Variants in RDM1 observed in about 807,000 individuals in gnomAD.
The protein encoded by RDM1 is RAD52 motif containing 1.
Under a neutral mutation model 27.7 loss-of-function variants are expected in RDM1, and 28 were observed. That is an observed-to-expected ratio of 1.01 (90% CI 0.75 to 1.39). RDM1 has a LOEUF of 1.39. RDM1 is among the 40% of genes most tolerant of loss of function. The pLI is 0.00. For missense variants in RDM1, 277 were observed against 337.3 expected (o/e 0.82, Z 1.40); for synonymous variants, 124 against 127.5 (o/e 0.97, Z 0.19).
At chr17:35,919,223 C>T (rs1440955165) in intron 6 of RDM1, among the ~76,000 whole-genome samples, 1 of 151,944 alleles carries the variant, frequency 6.6e-6, no homozygotes, top group African/African-American at 2.4e-5. Flanking sequence ...AAAAAAAACA[C>T]TTTTGCTACT....
At chr17:35,925,702 T>G (rs1257480184) in intron 2 of RDM1, 65 bp from the exon 3 acceptor site, 1 of 1,538,832 alleles carries the variant, frequency 6.5e-7, no homozygotes, top group East Asian at 2.3e-5. Flanking sequence ...TGGATAGATC[T>G]GAGATTTGTC....
chr17:35,922,964 C>T (rs1180944009), intron 4 of RDM1, among the ~76,000 whole-genome samples: 1 of 152,130 alleles, frequency 6.6e-6, no homozygotes, highest in African/African-American at 2.4e-5. Flanking sequence ...TCAGTTAAGG[C>T]TACACTCCTA....
At chr17:35,919,633 T>C (rs921509045) in intron 6 of RDM1, among the ~76,000 whole-genome samples, 2 of 152,252 alleles carry the variant, frequency 1.3e-5, no homozygotes, top group African/African-American at 4.8e-5. Context: ...AGCTCCATTA[T>C]ACTCTTATGG....
intron 3 of RDM1, among the ~76,000 whole-genome samples, 193 bp downstream of exon 3, chr17:35,925,322 G>A (rs376462542): frequency 2.6e-5 from 4 of 152,166 alleles, no homozygotes; most frequent in Admixed American, 6.5e-5. Context: ...AGAAAATTAC[G>A]GATACCACCA....
chr17:35,922,063 G>A (rs1455208280), intron 5 of RDM1: 3 of 152,076 alleles, frequency 2.0e-5, no homozygotes, highest in Admixed American at 2.0e-4. Context: ...TGGGACTACA[G>A]GAGCCCGCCA....
intron 2 of RDM1, among the ~76,000 whole-genome samples, chr17:35,926,591 A>C (rs563710664): frequency 2.0e-5 from 3 of 152,146 alleles, no homozygotes; most frequent in Non-Finnish European, 4.4e-5. Context: ...TTTTTAGTAG[A>C]GATGGGGTTT....
chr17:35,920,478 G>A, intron 5 of RDM1, among the ~76,000 whole-genome samples: 1 of 113,818 alleles, frequency 8.8e-6, no homozygotes, highest in African/African-American at 3.0e-5. Context: ...TTTTTTAGAA[G>A]ACAGGGTCTC....
At position 35,930,062 on chromosome 17, in the gene RDM1, A is replaced by C. The variant is rs566677168; in HGVS notation, c.276+14T>G. The C allele has an allele frequency of 2.5e-6, 4 of 1,606,444 alleles. No individual in the cohort carries two copies. In the East Asian group the frequency reaches 8.9e-5, roughly 36 times the overall value. ...TCATTTCAGCGGAGCTAGGAATTCC[A>C]TATTTGGACCCACCTTGACTGGAGA... On this transcript the variant is annotated intron_variant, in intron 2 of 6. Transcript: ENST00000620284.
In RDM1 at chr17:35,924,737, AT is replaced by A; in HGVS notation, c.434del (p.Asn145MetfsTer13). The A allele has an allele frequency of 6.2e-7, 1 of 1,614,084 alleles. No individual in the cohort carries two copies. Among genetic ancestry groups the A allele is most frequent in the Non-Finnish European group, 8.5e-7 (1 of 1,179,984 alleles). ...TCGGAAGTGGCACCATGCTATCTTC[AT>A]TTTCCCTTTCTTCAAGGTCAGAAAG... is the stretch of plus-strand genomic sequence containing the variant. ...QELSDLEERE[N>X]EDSMVPLPKQ... On this transcript the variant is annotated frameshift_variant, in exon 4 of 7. Coordinates refer to ENST00000620284, the MANE Select transcript of RDM1 (RefSeq NM_145654.4). LOFTEE classifies it high-confidence loss of function.
intron 5 of RDM1, among the ~76,000 whole-genome samples, chr17:35,920,842 T>A (rs2088920382): frequency 6.6e-6 from 1 of 152,110 alleles, no homozygotes; most frequent in African/African-American, 2.4e-5. Flanking sequence ...AACTAAGGAA[T>A]AACATAAGAA....
Position 35,925,603 on chromosome 17 carries a change from T to C in RDM1, c.311A>G (p.His104Arg). ...GGAACTGTTCAGGGCAAGGGCTTGA[T>C]GTTGAACTGCCTTATGTCTGGTGCC... ...RLGTRHKAVQ[H>R]QALALNSSKC... is the part of the protein sequence containing the mutation. Residue 104 changes from histidine to arginine, a missense_variant, in exon 3 of 7, where the codon CAT (histidine) becomes CGT (arginine). By Grantham distance (29) the His-to-Arg change is conservative. Transcript: ENST00000620284. 6.2e-7 allele frequency: 1 copy of C among 1,614,070 alleles called. No individual in the cohort carries two copies. Among genetic ancestry groups the C allele is most frequent in the Non-Finnish European group, 8.5e-7 (1 of 1,179,928 alleles).
intron 2 of RDM1, among the ~76,000 whole-genome samples, chr17:35,925,950 T>C (rs928166622): frequency 2.0e-5 from 3 of 151,790 alleles, no homozygotes; most frequent in Admixed American, 6.6e-5. Context: ...CTGGCTAACA[T>C]AGTGAAACCC....
chr17:35,919,237 T>A lies in RDM1; in HGVS notation c.754-794A>T, dbSNP rs539146730. Among the ~76,000 whole-genome samples the A allele has an allele frequency of 3.9e-5, 6 of 152,316 alleles. No individual in the cohort carries two copies. The South Asian group carries it at 8.3e-4, about 21-fold the overall frequency. ...GAAAAAAAACACTTTTGCTACTTTT[T>A]TTAAAGAATTCCATATGTAGTAAAT... On this transcript the variant is annotated intron_variant, in intron 6 of 6. Transcript: ENST00000620284.
Position 35,918,244 on chromosome 17 carries a change from G to T in RDM1, c.*98C>A. On this transcript the variant is annotated 3_prime_UTR_variant, in exon 7 of 7. Coordinates refer to ENST00000620284, the MANE Select transcript of RDM1 (RefSeq NM_145654.4). ...GGGCGGCCGACCCAGGTGGTTCCAG[G>T]ACTCCAGCAGCCTATAGTGGTGGGG... The T allele has an allele frequency of 8.9e-6, 9 of 1,016,050 alleles. No individual in the cohort carries two copies. The highest frequency in any genetic ancestry group is 1.4e-5 in the Non-Finnish European group (9 of 661,226). 62.9% of individuals were successfully genotyped at this position (1,016,050 alleles called of 1,614,324 possible).
intron 2 of RDM1, 114 bp downstream of exon 2, chr17:35,929,962 T>C (rs917024457): frequency 1.3e-5 from 12 of 950,728 alleles, no homozygotes; most frequent in African/African-American, 1.6e-5. Flanking sequence ...GGAAGATTAG[T>C]GTGGCAATGC....
chr17:35,928,776 A>G, intron 2 of RDM1, among the ~76,000 whole-genome samples: 1 of 147,586 alleles, frequency 6.8e-6, no homozygotes. Context: ...AAAAAAAAAA[A>G]GTAAATATAT....
Position 35,925,646 on chromosome 17 carries a change from A to G in RDM1, c.277-9T>C, listed in dbSNP as rs1197475116. 2 of 1,611,912 alleles carry G rather than the reference A, an allele frequency of 1.2e-6. No homozygotes were observed. The highest frequency in any genetic ancestry group is 1.7e-5 in the Admixed American group (1 of 59,780). On this transcript the variant is annotated splice_polypyrimidine_tract_variant and intron_variant, in intron 2 of 6. Transcript: ENST00000620284. ...CTGGTGCCAAGACGAACCTAAAATC[A>G]TAGGAGATAGACCCATAAATATCAC...
rs768342943 is a variant in RDM1, at chr17:35,930,655, C to T, written c.73G>A (p.Gly25Arg). The T allele has an allele frequency of 1.2e-6, 2 of 1,613,716 alleles. No homozygotes were observed. Among genetic ancestry groups the T allele is most frequent in the South Asian group, 2.2e-5 (2 of 91,076 alleles). Residue 25 changes from glycine to arginine, a missense_variant, in exon 1 of 7, where the codon GGA (glycine) becomes AGA (arginine). By Grantham distance (125) the Gly-to-Arg change is moderately radical. Transcript: ENST00000620284. The stretch of plus-strand genomic sequence containing the variant: ...ACATGCAAAGCCTCGGCCGTGGGTC[C>T]GGAGCTCAGCTCCCACACTAGCAAG... ...KTLLVWELSSGPTAEALHHSL... is the reference protein window; with the variant it reads ...KTLLVWELSSRPTAEALHHSL...
chr17:35,924,505 G>T, intron 4 of RDM1, 99 bp downstream of exon 4: 1 of 1,292,098 alleles, frequency 7.7e-7, no homozygotes, highest in Non-Finnish European at 1.1e-6. Flanking sequence ...GGAGGGGCTT[G>T]ATATGTATCT....
Sources: allele counts gnomAD v4.1 joint callset (sites outside exome capture counted in the v4.1 genomes callset), GRCh38; gene constraint gnomAD v4.1.1; transcripts MANE v1.5; gene names NCBI Gene and HGNC (gene_info 2026-07-23, HGNC 2026-07-21).